AFF3: variants seen among roughly 807,000 people sequenced by gnomAD.
The protein encoded by AFF3 is AF4/FMR2 family member 3.
AFF3 carries 32 observed loss-of-function variants against 129.7 expected under a neutral mutation model. The ratio of observed to expected loss-of-function variants is 0.25; its 90% CI spans 0.19 to 0.33. The LOEUF (loss-of-function observed/expected upper bound fraction) is 0.33, where lower values mean the gene tolerates loss of function less well. AFF3 is among the 10% of genes least tolerant of loss of function. AFF3 has a pLI of 1.00. For synonymous variants in AFF3, 644 were observed against 635.4 expected (o/e 1.01, Z -0.20); for missense variants, 1,373 against 1,592.0 (o/e 0.86, Z 2.34).
At chr2:99,978,884 G>A (rs1420195533) in intron 7 of AFF3, among the ~76,000 whole-genome samples, 1 of 152,160 alleles carries the variant, frequency 6.6e-6, no homozygotes, top group Non-Finnish European at 1.5e-5. Context: ...TCTAGAATGA[G>A]AGAAATAAAT....
intron 11 of AFF3, among the ~76,000 whole-genome samples, chr2:99,715,859 A>G (rs1479496356): frequency 1.3e-5 from 2 of 151,900 alleles, no homozygotes; most frequent in Non-Finnish European, 2.9e-5. Context: ...TTTTTAGTAG[A>G]GACAGGGTTT....
chr2:99,592,793 G>T (rs1172450865), intron 15 of AFF3, among the ~76,000 whole-genome samples: 1 of 152,050 alleles, frequency 6.6e-6, no homozygotes, highest in African/African-American at 2.4e-5. Context: ...AAAATTAGCT[G>T]GGCATGGTGG....
rs1432410613 is a variant in AFF3 at position 99,947,653 on chromosome 2, T to TAGATAGAC, written c.873+58978_873+58979insGTCTATCT. Among the ~76,000 whole-genome samples, 366 of 123,222 alleles carry TAGATAGAC rather than the reference T, an allele frequency of 3.0e-3. 3 individuals carry two copies. The highest frequency in any genetic ancestry group is 7.8e-3 in the East Asian group (33 of 4,226). The allele number at this position is 123,222 out of a possible 152,430, so 80.8% of individuals were successfully genotyped here. ...ATAGATAGATAGATAGATAGATAGA[T>TAGATAGAC]AGACAGACAGACAGACAGATAGATC... is the stretch of plus-strand genomic sequence containing the variant. On this transcript the variant is annotated intron_variant, in intron 7 of 24. Transcript: ENST00000672756.
chr2:99,580,730 T>TA lies in AFF3; in HGVS notation c.2793+2067dup, dbSNP rs566292370. ...TAACATGGTGAAAACCCGTCTCTAC[T>TA]AAAAAAATACAAAAAATTAGCCCTG... is the stretch of plus-strand genomic sequence containing the variant. On this transcript the variant is annotated intron_variant, in intron 17 of 24. Coordinates refer to ENST00000672756, the MANE Select transcript of AFF3 (RefSeq NM_001386135.1). 50 of 160,408 alleles carry TA rather than the reference T, an allele frequency of 3.1e-4. No individual in the cohort carries two copies. The East Asian group carries it at 7.2e-3, about 23-fold the overall frequency. The allele number at this position is 160,408 out of a possible 1,614,324, so 9.9% of individuals were successfully genotyped here. A position where few individuals can be genotyped will look rare whatever the true frequency, so the allele number is the denominator to read the frequency against.
At chr2:100,069,704 G>C (rs1292981152) in intron 4 of AFF3, among the ~76,000 whole-genome samples, 1 of 152,024 alleles carries the variant, frequency 6.6e-6, no homozygotes, top group African/African-American at 2.4e-5. Context: ...AATTTGATAC[G>C]ATATAACTTG....
chr2:99,678,288 T>A (rs945214683), intron 11 of AFF3, among the ~76,000 whole-genome samples: 6 of 152,222 alleles, frequency 3.9e-5, no homozygotes, highest in Non-Finnish European at 8.8e-5. Context: ...ATTGTTTTCT[T>A]AATTGAGCAA....
chr2:99,798,086 A>T (rs1245294194), intron 8 of AFF3, among the ~76,000 whole-genome samples: 1 of 152,100 alleles, frequency 6.6e-6, no homozygotes, highest in Non-Finnish European at 1.5e-5. Flanking sequence ...TAACATATAC[A>T]AGTAAAATGT....
chr2:99,827,820 T>C (rs1296138361), intron 8 of AFF3, among the ~76,000 whole-genome samples: 2 of 151,930 alleles, frequency 1.3e-5, no homozygotes, highest in Non-Finnish European at 2.9e-5. Context: ...CTGGCTTCAG[T>C]AGTGCCTGTT....
intron 11 of AFF3, among the ~76,000 whole-genome samples, chr2:99,694,553 A>T (rs1229011313): frequency 6.6e-6 from 1 of 152,176 alleles, no homozygotes; most frequent in Non-Finnish European, 1.5e-5. Flanking sequence ...GCTCTCCGTA[A>T]GTCCTTTCCC....
intron 2 of AFF3, among the ~76,000 whole-genome samples, chr2:100,126,501 A>G (rs1573467790): frequency 1.3e-5 from 2 of 152,318 alleles, no homozygotes; most frequent in South Asian, 2.1e-4. Flanking sequence ...AAGCTGAATT[A>G]ACTCTTCCAA....
At chr2:100,051,639 A>T (rs1437380) in intron 4 of AFF3, among the ~76,000 whole-genome samples, 3,149 of 152,312 alleles carry the variant, frequency 0.021, 118 homozygotes, top group African/African-American at 0.072. Context: ...CTGTTAATAT[A>T]GAGTTTAAAT....
At chr2:100,061,498 G>A (rs1473168527) in intron 4 of AFF3, among the ~76,000 whole-genome samples, 1 of 152,122 alleles carries the variant, frequency 6.6e-6, no homozygotes, top group Non-Finnish European at 1.5e-5. Context: ...TGGAAAGAGG[G>A]AAGTCCATTC....
intron 8 of AFF3, among the ~76,000 whole-genome samples, chr2:99,775,251 T>C (rs1022597470): frequency 2.6e-5 from 4 of 151,942 alleles, no homozygotes; most frequent in African/African-American, 4.8e-5. Flanking sequence ...CCCAAAGGAA[T>C]AGAAATTGTT....
At chr2:99,870,758 AC>A (rs1288576566) in intron 7 of AFF3, among the ~76,000 whole-genome samples, 1 of 152,214 alleles carries the variant, frequency 6.6e-6, no homozygotes, top group African/African-American at 2.4e-5. Flanking sequence ...TTGGAAAAAA[AC>A]AGCAACCATA....
At chr2:99,843,150 T>A (rs1313936516) in intron 7 of AFF3, among the ~76,000 whole-genome samples, 1 of 152,316 alleles carries the variant, frequency 6.6e-6, no homozygotes, top group African/African-American at 2.4e-5. Flanking sequence ...CACAAAAGCA[T>A]TGGTGAGAAT....
chr2:99,785,769 A>G (rs1341096730), intron 8 of AFF3, among the ~76,000 whole-genome samples: 1 of 152,088 alleles, frequency 6.6e-6, no homozygotes, highest in Admixed American at 6.6e-5. Context: ...TTATTTTTAG[A>G]CAGAGTCACG....
intron 7 of AFF3, among the ~76,000 whole-genome samples, chr2:99,926,003 T>G (rs956164030): frequency 1.3e-5 from 2 of 152,190 alleles, no homozygotes; most frequent in African/African-American, 4.8e-5. Flanking sequence ...TTGATTAATA[T>G]CTGAAAAAGC....
intron 19 of AFF3, among the ~76,000 whole-genome samples, chr2:99,567,996 G>C (rs1305125092): frequency 6.6e-6 from 1 of 152,142 alleles, no homozygotes; most frequent in Non-Finnish European, 1.5e-5. Flanking sequence ...TGATACGTAG[G>C]GGTTATTCCT....
At chr2:99,980,278 A>C (rs907319515) in intron 7 of AFF3, among the ~76,000 whole-genome samples, 1 of 152,184 alleles carries the variant, frequency 6.6e-6, no homozygotes, top group Non-Finnish European at 1.5e-5. Context: ...TTCTTGTGCC[A>C]GGATGGAAGA....
Sources: allele counts gnomAD v4.1 joint callset (sites outside exome capture counted in the v4.1 genomes callset), GRCh38; gene constraint gnomAD v4.1.1; transcripts MANE v1.5; gene names NCBI Gene and HGNC (gene_info 2026-07-23, HGNC 2026-07-21).